ANKRD46: variants seen among roughly 807,000 people sequenced by gnomAD.
ANKRD46 encodes the protein ankyrin repeat domain-containing protein 46.
In ANKRD46, 13 loss-of-function variants were observed where a neutral mutation model predicts 19.8. The ratio of observed to expected loss-of-function variants is 0.66; its 90% CI spans 0.43 to 1.04. ANKRD46 has a LOEUF of 1.04. Ranked by LOEUF, ANKRD46 falls within the 50% of genes least tolerant of loss-of-function variation. The pLI, the probability that ANKRD46 is intolerant of heterozygous loss-of-function variation, is 0.00. For synonymous variants in ANKRD46, 91 were observed against 106.9 expected, an observed-to-expected ratio of 0.85 and a Z score of 0.92; for missense variants, 185 against 274.8, an observed-to-expected ratio of 0.67 and a Z score of 2.31.
intron 4 of ANKRD46, among the ~76,000 whole-genome samples, chr8:100,523,828 G>A (rs1236149374): frequency 6.6e-6 from 1 of 152,136 alleles, no homozygotes; most frequent in Non-Finnish European, 1.5e-5. Context: ...ATTTTTGGTA[G>A]AGACAGGGTT....
rs1812069893 is a variant in ANKRD46 at position 100,536,665 on chromosome 8, C to T, written c.-130-3354G>A. ...GAACTGGTTCCTGGCAGAGGAAAAACCACATAGTCTAGTGCAAGAACAGTC... is the reference window on the plus strand; with the variant it reads ...GAACTGGTTCCTGGCAGAGGAAAAATCACATAGTCTAGTGCAAGAACAGTC... On this transcript the variant is annotated intron_variant, in intron 1 of 4. Coordinates refer to ENST00000335659, the MANE Select transcript of ANKRD46 (RefSeq NM_001270377.2). This position sits in a 1 kb window ranked among gnomAD's most constrained non-coding sequence, Gnocchi z 4.9. Among the ~76,000 whole-genome samples the T allele has an allele frequency of 6.6e-6, 1 of 152,162 alleles. No individual in the cohort carries two copies. The highest frequency in any genetic ancestry group is 6.5e-5 in the Admixed American group (1 of 15,282).
Position 100,533,959 on chromosome 8 carries a change from C to T in ANKRD46, c.-130-648G>A, listed in dbSNP as rs17350328. 2.6e-5 allele frequency among the ~76,000 whole-genome samples: 4 copies of T among 152,252 alleles called. No individual in the cohort carries two copies. In the South Asian group the frequency reaches 6.2e-4, roughly 24 times the overall value. ...CACTTCTCTGCACTGAGAGAGACTA[C>T]GAGGGCACCCTGTCTGCCCACTCAG... On this transcript the variant is annotated intron_variant, in intron 1 of 4. Transcript: ENST00000335659.
intron 1 of ANKRD46, among the ~76,000 whole-genome samples, chr8:100,553,222 T>C (rs1025435083): frequency 1.3e-5 from 2 of 152,224 alleles, no homozygotes; most frequent in Non-Finnish European, 2.9e-5. Flanking sequence ...AAAACTTTTA[T>C]AAGCAATCCA....
chr8:100,551,421 T>C, intron 1 of ANKRD46: 3 of 633,196 alleles, frequency 4.7e-6, no homozygotes, highest in South Asian at 4.3e-5. Flanking sequence ...AAGATGCCAG[T>C]GGACTCCACG....
At chr8:100,553,686 C>G (rs150629637) in intron 1 of ANKRD46, among the ~76,000 whole-genome samples, 1 of 152,136 alleles carries the variant, frequency 6.6e-6, no homozygotes, top group African/African-American at 2.4e-5. Flanking sequence ...GAGGCGGAAG[C>G]TACAGTGAGC....
chr8:100,512,748 T>C (rs1811566650), intron 5 of ANKRD46, among the ~76,000 whole-genome samples: 1 of 152,226 alleles, frequency 6.6e-6, no homozygotes, highest in Non-Finnish European at 1.5e-5. Context: ...AATTTTGCAA[T>C]TGTGACTACC....
At chr8:100,554,469 GC>G (rs1276758621) in intron 1 of ANKRD46, 4 of 152,298 alleles carry the variant, frequency 2.6e-5, no homozygotes, top group African/African-American at 9.6e-5. Flanking sequence ...TATAGTCCCA[GC>G]ACTTTAGGGA....
At chr8:100,532,000 T>C (rs2130663559) in intron 2 of ANKRD46, among the ~76,000 whole-genome samples, 1 of 152,166 alleles carries the variant, frequency 6.6e-6, no homozygotes, top group East Asian at 1.9e-4. Context: ...GGGGACGCAC[T>C]GGAGAGGAAC....
intron 4 of ANKRD46, 64 bp from the exon 5 acceptor site, chr8:100,522,835 C>A: frequency 7.4e-7 from 1 of 1,356,936 alleles, no homozygotes; most frequent in East Asian, 2.4e-5. Context: ...AACATAAAAC[C>A]ACAGGGCTAC....
Position 100,532,561 on chromosome 8 carries a change from C to T in ANKRD46, c.-28+648G>A, listed in dbSNP as rs956499975. 2.6e-5 allele frequency: 4 copies of T among 152,210 alleles called. No individual in the cohort carries two copies. Among genetic ancestry groups the T allele is most frequent in the Middle Eastern group, 3.4e-3 (1 of 294 alleles). 9.4% of individuals were successfully genotyped at this position (152,210 alleles called of 1,614,324 possible). A position where few individuals can be genotyped will look rare whatever the true frequency, so the allele number is the denominator to read the frequency against. ...AATAAAATAGTCAAGAATTCTTTTG[C>T]GAGGGTAATCTAAATATTTTCCCTT... On this transcript the variant is annotated intron_variant, in intron 2 of 4. Coordinates refer to ENST00000335659, the MANE Select transcript of ANKRD46 (RefSeq NM_001270377.2). The surrounding 1 kb of genome is among the most constrained non-coding windows in gnomAD (Gnocchi z 4.7).
In ANKRD46 at chr8:100,529,511, C is replaced by A. The variant is rs765374895; in HGVS notation, c.311+12G>T. 1 of 1,604,894 alleles carries A rather than the reference C, an allele frequency of 6.2e-7. No individual in the cohort carries two copies. The highest frequency in any genetic ancestry group is 8.5e-7 in the Non-Finnish European group (1 of 1,173,622). ...AGAAATGACTAGACTTCTAAAACAA[C>A]AGAGAACTTACCAAATATCAATTTT... On this transcript the variant is annotated intron_variant, in intron 3 of 4. Coordinates refer to ENST00000335659, the MANE Select transcript of ANKRD46 (RefSeq NM_001270377.2). This position sits in a 1 kb window ranked among gnomAD's most constrained non-coding sequence, Gnocchi z 5.8.
rs1812095873 is a variant in ANKRD46, at chr8:100,537,888, GGCTTCATATTTA to G, written c.-130-4589_-130-4578del. On this transcript the variant is annotated intron_variant, in intron 1 of 4. Coordinates refer to ENST00000335659, the MANE Select transcript of ANKRD46 (RefSeq NM_001270377.2). This position sits in a 1 kb window ranked among gnomAD's most constrained non-coding sequence, Gnocchi z 4.2. The stretch of plus-strand genomic sequence containing the variant: ...CATACTGCTTTAAGTGGCAGGGTGG[GGCTTCATATTTA>G]GCTTATATATTTCCAATATGCCCTG... Among the ~76,000 whole-genome samples, 3 of 152,108 alleles carry G rather than the reference GGCTTCATATTTA, an allele frequency of 2.0e-5. No homozygotes were observed. The highest frequency in any genetic ancestry group is 1.3e-4 in the Admixed American group (2 of 15,260).
At position 100,524,176 on chromosome 8, in the gene ANKRD46, A is replaced by C. The variant is rs1391543602; in HGVS notation, c.471-1405T>G. ...TGGTACTTGGAAGCACTAAGGGAAG[A>C]GCACTCATGGTTATATCACAACATA... On this transcript the variant is annotated intron_variant, in intron 4 of 4. Coordinates refer to ENST00000335659, the MANE Select transcript of ANKRD46 (RefSeq NM_001270377.2). The surrounding 1 kb of genome is among the most constrained non-coding windows in gnomAD (Gnocchi z 4.3). 6.6e-6 allele frequency among the ~76,000 whole-genome samples: 1 copy of C among 152,206 alleles called. No individual in the cohort carries two copies. Among genetic ancestry groups the C allele is most frequent in the Non-Finnish European group, 1.5e-5 (1 of 68,044 alleles).
At position 100,522,519 on chromosome 8, in the gene ANKRD46, A is replaced by C. The variant is rs192246523; in HGVS notation, c.*36T>G. ...GAGAACAAACATTGGAAGCCAGGAA[A>C]CAGGCAATTAATTGCCTCATCTTCC... On this transcript the variant is annotated 3_prime_UTR_variant, in exon 5 of 5. Transcript: ENST00000335659. 75 of 1,608,438 alleles carry C rather than the reference A, an allele frequency of 4.7e-5. 1 individual carries two copies. In the Admixed American group the frequency reaches 9.7e-4, roughly 21 times the overall value.
At position 100,522,896 on chromosome 8, in the gene ANKRD46, CACACACACATAT is replaced by C. The variant is rs757424888; in HGVS notation, c.471-137_471-126del. ...ACACACACACACACACACACACACA[CACACACACATAT>C]ATATATATACACACTCTTACATGCT... is the stretch of plus-strand genomic sequence containing the variant. On this transcript the variant is annotated intron_variant, in intron 4 of 4. Coordinates refer to ENST00000335659, the MANE Select transcript of ANKRD46 (RefSeq NM_001270377.2). 1,096 of 562,510 alleles carry C rather than the reference CACACACACATAT, an allele frequency of 1.9e-3. 4 individuals carry two copies. The highest frequency in any genetic ancestry group is 2.5e-3 in the Non-Finnish European group (800 of 326,162). 34.8% of individuals were successfully genotyped at this position (562,510 alleles called of 1,614,324 possible).
chr8:100,524,252 C>T lies in ANKRD46; in HGVS notation c.471-1481G>A, dbSNP rs1811791143. On this transcript the variant is annotated intron_variant, in intron 4 of 4. Coordinates refer to ENST00000335659, the MANE Select transcript of ANKRD46 (RefSeq NM_001270377.2). This position sits in a 1 kb window ranked among gnomAD's most constrained non-coding sequence, Gnocchi z 4.3. The stretch of plus-strand genomic sequence containing the variant: ...AGATTAAAGCCACCATAACCATGAT[C>T]ATAGGAATCAACTATCTACTGGTTA... Among the ~76,000 whole-genome samples the T allele has an allele frequency of 6.6e-6, 1 of 152,158 alleles. No homozygotes were observed. The highest frequency in any genetic ancestry group is 6.5e-5 in the Admixed American group (1 of 15,278).
chr8:100,515,049 G>A (rs1321072628), intron 5 of ANKRD46, among the ~76,000 whole-genome samples: 1 of 152,170 alleles, frequency 6.6e-6, no homozygotes, highest in African/African-American at 2.4e-5. Flanking sequence ...ATACCTTGAA[G>A]ACATCTCTGG....
intron 1 of ANKRD46, among the ~76,000 whole-genome samples, chr8:100,535,215 C>G (rs1456527109): frequency 1.3e-5 from 2 of 152,178 alleles, no homozygotes; most frequent in Non-Finnish European, 1.5e-5. Flanking sequence ...CTCAGTTAGA[C>G]CTTACTCACT....
At position 100,544,496 on chromosome 8, in the gene ANKRD46, A is replaced by T. The variant is rs1812233737; in HGVS notation, c.-130-11185T>A. Reference sequence around the variant, plus strand: ...CAAGGAAAAACAATCAAGTGATCTTAAGTGATAAATAGCGAAGGCAGACTT... The same window carrying T: ...CAAGGAAAAACAATCAAGTGATCTTTAGTGATAAATAGCGAAGGCAGACTT... On this transcript the variant is annotated intron_variant, in intron 1 of 4. Coordinates refer to ENST00000335659, the MANE Select transcript of ANKRD46 (RefSeq NM_001270377.2). This position sits in a 1 kb window ranked among gnomAD's most constrained non-coding sequence, Gnocchi z 4.4. Among the ~76,000 whole-genome samples the T allele has an allele frequency of 6.6e-6, 1 of 152,342 alleles. No individual in the cohort carries two copies. Among genetic ancestry groups the T allele is most frequent in the South Asian group, 2.1e-4 (1 of 4,822 alleles).
Sources: allele counts gnomAD v4.1 joint callset (sites outside exome capture counted in the v4.1 genomes callset), GRCh38; gene constraint gnomAD v4.1.1; non-coding constraint Gnocchi (gnomAD v3.1); transcripts MANE v1.5; gene names NCBI Gene and HGNC (gene_info 2026-07-23, HGNC 2026-07-21).